Variants in ASTN1 observed in about 807,000 individuals in gnomAD.
The protein encoded by ASTN1 is astrotactin 1, also known as astrotactin-1.
ASTN1 carries 41 observed loss-of-function variants against 140.7 expected under a neutral mutation model. The ratio of observed to expected loss-of-function variants is 0.29; its 90% CI spans 0.23 to 0.38. The LOEUF is 0.38. Ranked by LOEUF, ASTN1 falls within the 10% of genes least tolerant of loss-of-function variation. The probability of loss-of-function intolerance (pLI) is 1.00; values close to 1 mark genes in which losing one functional copy is unlikely to be tolerated. For missense variants in ASTN1, 1,479 were observed against 1,678.8 expected, an observed-to-expected ratio of 0.88 and a Z score of 2.08; for synonymous variants, 640 against 652.2, an observed-to-expected ratio of 0.98 and a Z score of 0.29.
At chr1:177,078,266 G>A (rs1264155062) in intron 1 of ASTN1, among the ~76,000 whole-genome samples, 1 of 152,172 alleles carries the variant, frequency 6.6e-6, no homozygotes, top group Non-Finnish European at 1.5e-5. Context: ...TTGAGGGTTG[G>A]CTGACACACA....
Position 176,876,530 on chromosome 1 carries a change from C to G in ASTN1, c.3463+7G>C, listed in dbSNP as rs900129350. The stretch of plus-strand genomic sequence containing the variant: ...TCAGAAACACTGCTAACTTCGATGT[C>G]TCTTACCTTGAGCCTTGACATCATC... On this transcript the variant is annotated splice_region_variant and intron_variant, in intron 21 of 22. Transcript: ENST00000361833. 1.2e-6 allele frequency: 2 copies of G among 1,613,968 alleles called. No homozygotes were observed. Among genetic ancestry groups the G allele is most frequent in the Non-Finnish European group, 8.5e-7 (1 of 1,179,964 alleles).
chr1:177,031,599 T>C (rs978085761), intron 3 of ASTN1, among the ~76,000 whole-genome samples: 1 of 152,184 alleles, frequency 6.6e-6, no homozygotes, highest in African/African-American at 2.4e-5. Context: ...GAATGTCTTG[T>C]AGAGAACAAG....
chr1:177,008,909 G>T (rs1470032022), intron 8 of ASTN1, among the ~76,000 whole-genome samples: 2 of 152,124 alleles, frequency 1.3e-5, no homozygotes. Flanking sequence ...TGTTTGAGAG[G>T]TCGGATGAAG....
intron 16 of ASTN1, among the ~76,000 whole-genome samples, chr1:176,931,433 T>C (rs1386433154): frequency 6.6e-6 from 1 of 152,136 alleles, no homozygotes; most frequent in African/African-American, 2.4e-5. Flanking sequence ...GCCATTGCAC[T>C]ACAGCCTGGG....
rs761925396 is a variant in ASTN1, at chr1:176,882,885, T to C, written c.3336A>G (p.Arg1112=). The C allele has an allele frequency of 1.5e-5, 25 of 1,614,070 alleles. No individual in the cohort carries two copies. The highest frequency in any genetic ancestry group is 2.1e-5 in the Non-Finnish European group (25 of 1,180,014). The change falls in exon 20 of 23, where the codon CGA becomes CGG. Residue 1112 remains arginine, a synonymous_variant. Coordinates refer to ENST00000361833, the MANE Select transcript of ASTN1 (RefSeq NM_004319.3). ...TGTAAATGGTGTCAGGTTCCAGGCATCGTATGATCAGAGAGATGGTGGTGA... is the reference window on the plus strand; with the variant it reads ...TGTAAATGGTGTCAGGTTCCAGGCACCGTATGATCAGAGAGATGGTGGTGA... ...KQLTTISLII[R]CLEPDTIYMF...
At chr1:177,052,749 GTTCC>G (rs1333600700) in intron 2 of ASTN1, among the ~76,000 whole-genome samples, 1 of 152,110 alleles carries the variant, frequency 6.6e-6, no homozygotes, top group Non-Finnish European at 1.5e-5. Flanking sequence ...CATTCTCTAT[GTTCC>G]TTCCTAATCT....
intron 21 of ASTN1, among the ~76,000 whole-genome samples, chr1:176,870,915 C>T (rs183961986): frequency 6.6e-6 from 1 of 152,254 alleles, no homozygotes; most frequent in Admixed American, 6.5e-5. Flanking sequence ...AAGATGAATA[C>T]GAATGTGCCT....
At chr1:176,899,904 A>G (rs1212941223) in intron 16 of ASTN1, among the ~76,000 whole-genome samples, 1 of 152,234 alleles carries the variant, frequency 6.6e-6, no homozygotes, top group African/African-American at 2.4e-5. Context: ...AATTAGGGAA[A>G]AGAAGATAGG....
chr1:176,911,875 C>T (rs1272631692), intron 16 of ASTN1, among the ~76,000 whole-genome samples: 2 of 152,224 alleles, frequency 1.3e-5, no homozygotes, highest in Non-Finnish European at 2.9e-5. Flanking sequence ...TTTTATACGA[C>T]TGGCAGCGCA....
At chr1:176,930,471 C>T (rs1390355106) in intron 16 of ASTN1, among the ~76,000 whole-genome samples, 2 of 152,146 alleles carry the variant, frequency 1.3e-5, no homozygotes, top group African/African-American at 4.8e-5. Flanking sequence ...AAGGACAAAA[C>T]CCCATGAAAT....
chr1:176,939,302 G>A (rs1171704776), intron 14 of ASTN1, among the ~76,000 whole-genome samples: 2 of 152,064 alleles, frequency 1.3e-5, no homozygotes, highest in African/African-American at 2.4e-5. Context: ...GAACAACAGA[G>A]GGAAGATAAA....
At position 176,928,363 on chromosome 1, in the gene ASTN1, A is replaced by C. The variant is rs114250411; in HGVS notation, c.2671+5789T>G. On this transcript the variant is annotated intron_variant, in intron 16 of 22. Coordinates refer to ENST00000361833, the MANE Select transcript of ASTN1 (RefSeq NM_004319.3). ...TTCTGCATTTTGATTACTTTAAATA[A>C]ACTTTTGAAATTAAAAAAAGAAGAG... Among the ~76,000 whole-genome samples the C allele has an allele frequency of 3.6e-3, 546 of 152,298 alleles. 3 individuals are homozygous for C. The highest frequency in any genetic ancestry group is 0.012 in the African/African-American group (518 of 41,556).
At chr1:177,128,623 C>T (rs1239759679) in intron 1 of ASTN1, among the ~76,000 whole-genome samples, 1 of 152,180 alleles carries the variant, frequency 6.6e-6, no homozygotes, top group Non-Finnish European at 1.5e-5. Context: ...CTAGAAGAAA[C>T]ATCTGTGAGA....
intron 2 of ASTN1, among the ~76,000 whole-genome samples, chr1:177,047,371 T>C (rs1310710070): frequency 1.3e-5 from 2 of 150,668 alleles, no homozygotes; most frequent in Admixed American, 6.6e-5. Flanking sequence ...GACAGGGAGG[T>C]CCAGAAAATA....
intron 8 of ASTN1, among the ~76,000 whole-genome samples, chr1:177,010,756 C>A (rs962239436): frequency 6.6e-6 from 1 of 152,200 alleles, no homozygotes; most frequent in Non-Finnish European, 1.5e-5. Flanking sequence ...ATGCTTTCTG[C>A]ATATGGTCTC....
At chr1:177,146,847 T>C (rs923135533) in intron 1 of ASTN1, among the ~76,000 whole-genome samples, 7 of 152,154 alleles carry the variant, frequency 4.6e-5, no homozygotes, top group African/African-American at 1.7e-4. Flanking sequence ...AAAATTGTGT[T>C]ACAAGACAAA....
At chr1:177,137,918 T>C (rs1682275118) in intron 1 of ASTN1, among the ~76,000 whole-genome samples, 1 of 152,126 alleles carries the variant, frequency 6.6e-6, no homozygotes. Flanking sequence ...TAGAAAATGA[T>C]GAGAATAGGG....
chr1:176,891,591 C>T (rs1669269995), intron 17 of ASTN1, among the ~76,000 whole-genome samples: 1 of 152,074 alleles, frequency 6.6e-6, no homozygotes, highest in African/African-American at 2.4e-5. Context: ...GTCGGGAGTT[C>T]GAGACCAGCC....
chr1:176,888,943 T>C (rs1407588322), intron 17 of ASTN1, among the ~76,000 whole-genome samples: 3 of 152,304 alleles, frequency 2.0e-5, no homozygotes, highest in East Asian at 1.9e-4. Flanking sequence ...AATCTAATAA[T>C]ATGTGCCAAA....
Sources: gnomAD v4.1 joint callset for allele counts (sites outside exome capture counted in the v4.1 genomes callset) on GRCh38, gnomAD v4.1.1 for gene constraint, MANE v1.5 for transcripts, NCBI Gene and HGNC (gene_info 2026-07-23, HGNC 2026-07-21) for gene names.